ALDH3A1: variants seen among roughly 807,000 people sequenced by gnomAD.
ALDH3A1 encodes the protein aldehyde dehydrogenase 3 family member A1, also known as aldehyde dehydrogenase, dimeric NADP-preferring.
Under a neutral mutation model 49.9 loss-of-function variants are expected in ALDH3A1, and 46 were observed. The ratio of observed to expected loss-of-function variants is 0.92; its 90% CI spans 0.73 to 1.18. ALDH3A1 has a LOEUF of 1.18. Among genes scored for constraint, ALDH3A1 ranks in the 50% most tolerant of loss-of-function variants. The pLI, the probability that ALDH3A1 is intolerant of heterozygous loss-of-function variation, is 0.00. For missense variants in ALDH3A1, 592 were observed against 611.8 expected, an observed-to-expected ratio of 0.97 and a Z score of 0.34; for synonymous variants, 269 against 253.3, an observed-to-expected ratio of 1.06 and a Z score of -0.59.
In ALDH3A1 at chr17:19,742,585, G is replaced by C. The variant is rs545815877; in HGVS notation, c.440C>G (p.Ala147Gly). ...GGGGATGATGGTAGCCAGCAGGCTC[G>C]CCATGTTCTCACTCAGCTCCGAGGG... ...LKPSELSENM[A>G]SLLATIIPQY... Residue 147 changes from alanine (A) to glycine (G), a missense_variant, in exon 4 of 11, where the codon GCG becomes GGG. Transcript: ENST00000225740. 1.2e-6 allele frequency: 2 copies of C among 1,613,842 alleles called. No homozygotes were observed. The highest frequency in any genetic ancestry group is 1.7e-6 in the Non-Finnish European group (2 of 1,180,004).
intron 5 of ALDH3A1, 115 bp from the exon 6 acceptor site, chr17:19,741,325 A>AG (rs2086488250): frequency 3.1e-5 from 26 of 847,954 alleles, no homozygotes; most frequent in Non-Finnish European, 4.8e-5. Flanking sequence ...CCTTGCCACC[A>AG]GTGAGTCCTC....
At chr17:19,738,953 C>T (rs768971546) in intron 9 of ALDH3A1, 43 bp downstream of exon 9, 12 of 1,557,190 alleles carry the variant, frequency 7.7e-6, no homozygotes, top group Non-Finnish European at 2.6e-6. Flanking sequence ...TGTGCCCAGC[C>T]CTGGGGCCCA....
chr17:19,744,148 A>G, intron 2 of ALDH3A1: 1 of 983,874 alleles, frequency 1.0e-6, no homozygotes, highest in East Asian at 1.1e-4. Context: ...CTGTAATCCC[A>G]GCACTCTGAG....
At position 19,738,320 on chromosome 17, in the gene ALDH3A1, C is replaced by T. The variant is rs745941149; in HGVS notation, c.1347+3G>A. ...CTCCCCCACAGCGCCTTCCCCCTCT[C>T]ACCTTGGCCGGGCTCGGGGGGTATC... On this transcript the variant is annotated splice_donor_region_variant and intron_variant, in intron 10 of 10. Transcript: ENST00000225740. 4.3e-6 allele frequency: 7 copies of T among 1,613,218 alleles called. No individual in the cohort carries two copies. Among genetic ancestry groups the T allele is most frequent in the Non-Finnish European group, 5.9e-6 (7 of 1,179,206 alleles).
chr17:19,741,341 C>G (rs1002722376), intron 5 of ALDH3A1, 131 bp from the exon 6 acceptor site: 1 of 722,510 alleles, frequency 1.4e-6, no homozygotes, highest in South Asian at 1.6e-5. Flanking sequence ...TCCTCCCAAG[C>G]GGTCTGCTCA....
Position 19,738,033 on chromosome 17 carries a change from G to C in ALDH3A1, c.*188C>G. 2 of 1,519,246 alleles carry C rather than the reference G, an allele frequency of 1.3e-6. No individual in the cohort carries two copies. Among genetic ancestry groups the C allele is most frequent in the Non-Finnish European group, 1.8e-6 (2 of 1,135,030 alleles). 94.1% of individuals were successfully genotyped at this position (1,519,246 alleles called of 1,614,324 possible). On this transcript the variant is annotated 3_prime_UTR_variant, in exon 11 of 11. Coordinates refer to ENST00000225740, the MANE Select transcript of ALDH3A1 (RefSeq NM_000691.5). ...CGTCTCTTTATTGGTCTAGAAAGGG[G>C]TGGAGACTTGGAATGGTGAGGCCTG...
chr17:19,744,238 T>C (rs2086556192), intron 2 of ALDH3A1: 6 of 684,982 alleles, frequency 8.8e-6, no homozygotes, highest in Non-Finnish European at 1.1e-5. Flanking sequence ...ACCCTGTCTC[T>C]ACTAAAAATA....
At position 19,743,026 on chromosome 17, in the gene ALDH3A1, T is replaced by A; in HGVS notation, c.394+206A>T. On this transcript the variant is annotated intron_variant, in intron 3 of 10. Transcript: ENST00000225740. The surrounding 1 kb of genome is among the most constrained non-coding windows in gnomAD (Gnocchi z 4.4). The stretch of plus-strand genomic sequence containing the variant: ...TGGGGGAAGGCAGGCCCTCTCTGTA[T>A]CACCAGGTGTGGACACCTGAGCCTG... 1 of 1,532,408 alleles carries A rather than the reference T, an allele frequency of 6.5e-7. No individual in the cohort carries two copies. The highest frequency in any genetic ancestry group is 8.7e-7 in the Non-Finnish European group (1 of 1,145,280). The allele number at this position is 1,532,408 out of a possible 1,614,324, so 94.9% of individuals were successfully genotyped here.
chr17:19,744,847 GGGGCCA>G, intron 2 of ALDH3A1, 115 bp downstream of exon 2: 1 of 1,355,978 alleles, frequency 7.4e-7, no homozygotes. Context: ...CCGCGACCGA[GGGGCCA>G]GGTGGCCCCA....
At chr17:19,747,130 A>G (rs1369596994) in intron 1 of ALDH3A1, among the ~76,000 whole-genome samples, 2 of 152,016 alleles carry the variant, frequency 1.3e-5, no homozygotes, top group Non-Finnish European at 2.9e-5. Flanking sequence ...TTTTTAAAAA[A>G]CCCTATATAT....
chr17:19,742,511 C>T (rs1419082133), intron 4 of ALDH3A1, 34 bp downstream of exon 4: 10 of 1,600,764 alleles, frequency 6.2e-6, no homozygotes, highest in Non-Finnish European at 8.5e-6. Context: ...AGTTATGAGG[C>T]CATGGAGTTA....
chr17:19,742,997 G>T lies in ALDH3A1; in HGVS notation c.394+235C>A, dbSNP rs1465254371. 9.8e-6 allele frequency: 15 copies of T among 1,530,632 alleles called. No homozygotes were observed. In the Admixed American group the frequency reaches 1.8e-4, roughly 18 times the overall value. 94.8% of individuals were successfully genotyped at this position (1,530,632 alleles called of 1,614,324 possible). A position where few individuals can be genotyped will look rare whatever the true frequency, so the allele number is the denominator to read the frequency against. ...TGACAGAAGCTCCAGCCCCCCAACA[G>T]GGGTGGGGGAAGGCAGGCCCTCTCT... On this transcript the variant is annotated intron_variant, in intron 3 of 10. Coordinates refer to ENST00000225740, the MANE Select transcript of ALDH3A1 (RefSeq NM_000691.5).
chr17:19,745,151 C>T lies in ALDH3A1; in HGVS notation c.-5-17G>A, dbSNP rs754920415. On this transcript the variant is annotated splice_polypyrimidine_tract_variant and intron_variant, in intron 1 of 10. Coordinates refer to ENST00000225740, the MANE Select transcript of ALDH3A1 (RefSeq NM_000691.5). ...TCATGGCGCCTGGGGACAGAGAGCA[C>T]CTGCAGCTGGCTGAGGGGCACGAGC... The T allele has an allele frequency of 2.6e-6, 4 of 1,551,926 alleles. 1 individual carries two copies. The East Asian group carries it at 7.2e-5, about 28-fold the overall frequency.
At position 19,743,537 on chromosome 17, in the gene ALDH3A1, T is replaced by G. The variant is rs1295785939; in HGVS notation, c.163-74A>C. The G allele has an allele frequency of 2.0e-6, 3 of 1,516,310 alleles. No homozygotes were observed. Among genetic ancestry groups the G allele is most frequent in the Non-Finnish European group, 2.6e-6 (3 of 1,134,328 alleles). The allele number at this position is 1,516,310 out of a possible 1,614,324, so 93.9% of individuals were successfully genotyped here. On this transcript the variant is annotated intron_variant, in intron 2 of 10. Coordinates refer to ENST00000225740, the MANE Select transcript of ALDH3A1 (RefSeq NM_000691.5). This position sits in a 1 kb window ranked among gnomAD's most constrained non-coding sequence, Gnocchi z 4.4. ...AGCTGGGGCGAGTGGGGAGCCCCAC[T>G]GCTCAGCTGCCAGGGTGATGGGGGT...
In ALDH3A1 at chr17:19,739,098, G is replaced by A; in HGVS notation, c.1117-3C>T. 3.7e-6 allele frequency: 6 copies of A among 1,611,972 alleles called. No individual in the cohort carries two copies. Among genetic ancestry groups the A allele is most frequent in the Non-Finnish European group, 5.1e-6 (6 of 1,179,522 alleles). ...TCTGCAATCATCTTCTTAATCACCT[G>A]CACCAGGACCCAGCCACTGGCCTCA... On this transcript the variant is annotated splice_region_variant and splice_polypyrimidine_tract_variant and intron_variant, in intron 8 of 10. Coordinates refer to ENST00000225740, the MANE Select transcript of ALDH3A1 (RefSeq NM_000691.5).
chr17:19,744,850 G>A (rs2086567911), intron 2 of ALDH3A1, 118 bp downstream of exon 2: 4 of 1,360,570 alleles, frequency 2.9e-6, no homozygotes, highest in Non-Finnish European at 3.8e-6. Flanking sequence ...CGACCGAGGG[G>A]CCAGGTGGCC....
intron 1 of ALDH3A1, among the ~76,000 whole-genome samples, chr17:19,746,899 C>A (rs376462665): frequency 2.0e-4 from 30 of 152,088 alleles, no homozygotes; most frequent in African/African-American, 7.2e-4. Context: ...AATTTTGGTG[C>A]GTTTTAAGAT....
At chr17:19,739,964 G>C (rs892583965) in intron 7 of ALDH3A1, among the ~76,000 whole-genome samples, 2 of 152,128 alleles carry the variant, frequency 1.3e-5, no homozygotes, top group African/African-American at 4.8e-5. Flanking sequence ...GAATTCTCTT[G>C]TCTCCTTGAC....
intron 1 of ALDH3A1, among the ~76,000 whole-genome samples, chr17:19,746,748 G>T (rs1351497566): frequency 6.6e-6 from 1 of 151,590 alleles, no homozygotes; most frequent in Non-Finnish European, 1.5e-5. Context: ...TGTGTGTGTG[G>T]GCGTGCACGC....
Sources: allele counts gnomAD v4.1 joint callset (sites outside exome capture counted in the v4.1 genomes callset), GRCh38; gene constraint gnomAD v4.1.1; non-coding constraint Gnocchi (gnomAD v3.1); transcripts MANE v1.5; gene names NCBI Gene and HGNC (gene_info 2026-07-23, HGNC 2026-07-21).